SBF1: variants seen among roughly 807,000 people sequenced by gnomAD.
The protein encoded by SBF1 is SET binding factor 1.
A neutral mutation model predicts 215.8 loss-of-function variants in SBF1; 65 were observed. The observed-to-expected ratio is 0.30, with a 90% CI of 0.25 to 0.37. The LOEUF is 0.37. SBF1 is among the 10% of genes least tolerant of loss of function. SBF1 has a pLI of 1.00. For synonymous variants in SBF1, 1,410 were observed against 1,122.8 expected, an observed-to-expected ratio of 1.26 and a Z score of -5.11; for missense variants, 2,634 against 2,667.8, an observed-to-expected ratio of 0.99 and a Z score of 0.28.
At chr22:50,465,706 G>A (rs925313713) in intron 10 of SBF1, 57 bp downstream of exon 10, 16 of 1,491,376 alleles carry the variant, frequency 1.1e-5, no homozygotes, top group Non-Finnish European at 1.2e-5. Context: ...CAGCAGACCT[G>A]AGTGGGGGCA....
At position 50,462,477 on chromosome 22, in the gene SBF1, C is replaced by A. The variant is rs2067558692; in HGVS notation, c.2128-4G>T. 1.2e-6 allele frequency: 2 copies of A among 1,613,194 alleles called. No individual in the cohort carries two copies. Among genetic ancestry groups the A allele is most frequent in the East Asian group, 2.2e-5 (1 of 44,880 alleles). ...GGGAAGGTGCCTCCCCAACCTCCTGCCACGGCACCACACGCATGAGCCGGG... is the reference window on the plus strand; with the variant it reads ...GGGAAGGTGCCTCCCCAACCTCCTGACACGGCACCACACGCATGAGCCGGG... On this transcript the variant is annotated splice_polypyrimidine_tract_variant and splice_region_variant and intron_variant, in intron 18 of 40. Coordinates refer to ENST00000380817, the MANE Select transcript of SBF1 (RefSeq NM_002972.4).
Position 50,462,863 on chromosome 22 carries a change from C to T in SBF1, c.1968+7G>A. ...GGGAAGGAGACCTCAGCCATGCCAGCACTCACCCGGCAGAAGGCTGTGACC... is the reference window on the plus strand; with the variant it reads ...GGGAAGGAGACCTCAGCCATGCCAGTACTCACCCGGCAGAAGGCTGTGACC... On this transcript the variant is annotated splice_region_variant and intron_variant, in intron 17 of 40. Transcript: ENST00000380817. 1 of 1,613,082 alleles carries T rather than the reference C, an allele frequency of 6.2e-7. No homozygotes were observed. Among genetic ancestry groups the T allele is most frequent in the Non-Finnish European group, 8.5e-7 (1 of 1,179,888 alleles).
intron 36 of SBF1, among the ~76,000 whole-genome samples, chr22:50,449,906 A>T (rs1160093309): frequency 1.3e-5 from 2 of 152,348 alleles, no homozygotes; most frequent in Admixed American, 1.3e-4. Context: ...TCAGACAAGC[A>T]GTGCAGCTTG....
chr22:50,463,861 A>G (rs573569450), intron 15 of SBF1, among the ~76,000 whole-genome samples: 45 of 152,258 alleles, frequency 3.0e-4, no homozygotes, highest in Non-Finnish European at 4.4e-4. Flanking sequence ...ATGAAAAACA[A>G]GAGTCTCCAA....
Position 50,460,318 on chromosome 22 carries a change from CT to C in SBF1, c.3236del (p.Glu1079GlyfsTer26). ...TRKKYNPPSW[E>X]HRGQPPPEDQ... ...CCTCAGGGGGCGGCTGGCCCCGGTG[CT>C]CCCAGCTGGGGGGGTTGTACTTCTT... On this transcript the variant is annotated frameshift_variant, in exon 25 of 41. Transcript: ENST00000380817. LOFTEE classifies it high-confidence loss of function. The C allele has an allele frequency of 6.2e-7, 1 of 1,612,572 alleles. No individual in the cohort carries two copies. The highest frequency in any genetic ancestry group is 8.5e-7 in the Non-Finnish European group (1 of 1,178,932).
rs769350649 is a variant in SBF1 at position 50,467,559 on chromosome 22, C to T, written c.411G>A (p.Ser137=). Residue 137 remains serine (S), a synonymous_variant, in exon 4 of 41, where the codon TCG becomes TCA. Coordinates refer to ENST00000380817, the MANE Select transcript of SBF1 (RefSeq NM_002972.4). ...LFAPKTLVLV[S]RLDHTEVFRN... is the part of the protein sequence containing the mutation. The stretch of plus-strand genomic sequence containing the variant: ...TGAACACCTCCGTGTGGTCGAGTCG[C>T]GACACCAGTACCAGCGTCTTCGGTG... The T allele has an allele frequency of 8.7e-6, 14 of 1,614,028 alleles. No individual in the cohort carries two copies. Among genetic ancestry groups the T allele is most frequent in the Middle Eastern group, 1.6e-4 (1 of 6,084 alleles).
intron 16 of SBF1, 81 bp from the exon 17 acceptor site, chr22:50,463,019 A>C: frequency 7.2e-7 from 1 of 1,388,666 alleles, no homozygotes. Context: ...ACCACCCCAT[A>C]ACCACCACAG....
Position 50,459,358 on chromosome 22 carries a change from C to G in SBF1, c.3723G>C (p.Gln1241His). ...QSQADSSSLEQEKYLQAVVSS... is the reference protein window; with the variant it reads ...QSQADSSSLEHEKYLQAVVSS... ...TGACCACAGCCTGCAGGTACTTCTCCTGCTCCAGGCTACTCGAGTCCGCCT... is the reference window on the plus strand; with the variant it reads ...TGACCACAGCCTGCAGGTACTTCTCGTGCTCCAGGCTACTCGAGTCCGCCT... The change falls in exon 28 of 41, where the codon CAG becomes CAC. Residue 1241 changes from glutamine to histidine, a missense_variant. Gln to His is a conservative substitution (Grantham distance 24). Transcript: ENST00000380817. 6.2e-7 allele frequency: 1 copy of G among 1,612,632 alleles called. No homozygotes were observed. Among genetic ancestry groups the G allele is most frequent in the Non-Finnish European group, 8.5e-7 (1 of 1,179,496 alleles).
rs1556426048 is a variant in SBF1 at position 50,462,356 on chromosome 22, C to A, written c.2245G>T (p.Glu749Ter). ...GCCTGGCTGAACACCGTGCTCTCCT[C>A]CTTCTGCACCAGCTCCTGCTGCTTC... ...REKQQELVQK[E>*]ESTVFSQAIH... Residue 749 changes from glutamate (E) to a stop codon, truncating the protein, a stop_gained, in exon 19 of 41, where the codon GAG (glutamate) becomes TAG (stop). Transcript: ENST00000380817. LOFTEE classifies it high-confidence loss of function. 1 of 1,614,034 alleles carries A rather than the reference C, an allele frequency of 6.2e-7. No homozygotes were observed.
Position 50,474,847 on chromosome 22 carries a change from G to C in SBF1, c.-7C>G, listed in dbSNP as rs1241426402. The C allele has an allele frequency of 7.0e-6, 10 of 1,420,044 alleles. No individual in the cohort carries two copies. The Middle Eastern group carries it at 7.6e-4, about 107-fold the overall frequency. The allele number at this position is 1,420,044 out of a possible 1,614,324, so 88.0% of individuals were successfully genotyped here. A position where few individuals can be genotyped will look rare whatever the true frequency, so the allele number is the denominator to read the frequency against. On this transcript the variant is annotated 5_prime_UTR_variant, in exon 1 of 41. Coordinates refer to ENST00000380817, the MANE Select transcript of SBF1 (RefSeq NM_002972.4). The stretch of plus-strand genomic sequence containing the variant: ...AGTCCGCGAGCCGCGCCATGGCGAG[G>C]GACGCGGGGCGGCCCGAGGGGCGCG...
chr22:50,459,310 G>A lies in SBF1; in HGVS notation c.3771C>T (p.Asp1257=), dbSNP rs375371475. Residue 1257 remains aspartate, a synonymous_variant, in exon 28 of 41, where the codon GAC becomes GAT. Coordinates refer to ENST00000380817, the MANE Select transcript of SBF1 (RefSeq NM_002972.4). ...CGCTAAGCGTGTTGCGTCCCGACGCGTCGGCGTAGCGGGGCATGGAGCTGA... is the reference window on the plus strand; with the variant it reads ...CGCTAAGCGTGTTGCGTCCCGACGCATCGGCGTAGCGGGGCATGGAGCTGA... The part of the protein sequence containing the change: ...AVVSSMPRYA[D]ASGRNTLSGF... 3.7e-5 allele frequency: 59 copies of A among 1,612,160 alleles called. No homozygotes were observed. The highest frequency in any genetic ancestry group is 1.6e-4 in the Middle Eastern group (1 of 6,078).
chr22:50,473,503 C>T (rs918094201), intron 1 of SBF1, among the ~76,000 whole-genome samples: 1 of 152,180 alleles, frequency 6.6e-6, no homozygotes, highest in Non-Finnish European at 1.5e-5. Context: ...ATGCTCATGA[C>T]TGACGGTGCC....
chr22:50,462,723 G>A lies in SBF1; in HGVS notation c.1969-6C>T. On this transcript the variant is annotated splice_polypyrimidine_tract_variant and splice_region_variant and intron_variant, in intron 17 of 40. Transcript: ENST00000380817. ...GTCACCCCCGGGCTCAGCTTCTGCAGGAGCCAGGGGAGAAGGTCAGCTGGA... is the reference window on the plus strand; with the variant it reads ...GTCACCCCCGGGCTCAGCTTCTGCAAGAGCCAGGGGAGAAGGTCAGCTGGA... 1.2e-6 allele frequency: 2 copies of A among 1,610,888 alleles called. No homozygotes were observed. Among genetic ancestry groups the A allele is most frequent in the Middle Eastern group, 1.7e-4 (1 of 6,056 alleles).
In SBF1 at chr22:50,460,266, CT is replaced by C. The variant is rs1212593048; in HGVS notation, c.3283+5del. ...ACCACCCAGGACTCCACCCCCACCC[CT>C]CCACCTGAGATCTCGTCCTCCTGGT... On this transcript the variant is annotated splice_donor_5th_base_variant and intron_variant, in intron 25 of 40. Transcript: ENST00000380817. 3 of 1,602,680 alleles carry C rather than the reference CT, an allele frequency of 1.9e-6. No homozygotes were observed. Among genetic ancestry groups the C allele is most frequent in the Non-Finnish European group, 2.6e-6 (3 of 1,172,480 alleles).
At chr22:50,450,830 G>A (rs1231618868) in intron 36 of SBF1, among the ~76,000 whole-genome samples, 1 of 152,156 alleles carries the variant, frequency 6.6e-6, no homozygotes, top group Admixed American at 6.5e-5. Context: ...AACACAGGCA[G>A]GGCACAGTGG....
Position 50,448,333 on chromosome 22 carries a change from C to A in SBF1, c.5263G>T (p.Asp1755Tyr). 1 of 1,613,798 alleles carries A rather than the reference C, an allele frequency of 6.2e-7. No individual in the cohort carries two copies. Among genetic ancestry groups the A allele is most frequent in the Non-Finnish European group, 8.5e-7 (1 of 1,180,046 alleles). The change falls in exon 38 of 41, where the codon GAC becomes TAC. Residue 1755 changes from aspartate (D) to tyrosine (Y), a missense_variant. Physicochemically the swap from Asp to Tyr is radical, Grantham distance 160. Coordinates refer to ENST00000380817, the MANE Select transcript of SBF1 (RefSeq NM_002972.4). ...GSTLSLSLDS[D>Y]QSSGSTTSGS... is the part of the protein sequence containing the mutation. ...GATGTGGTTGAGCCACTACTCTGGT[C>A]GCTGTCCAGGCTGAGGCTCAGGGTG...
Position 50,474,884 on chromosome 22 carries a change from C to A in SBF1, c.-44G>T. ...GCCCGAGGGGCGCGGGCGGGCTCCG[C>A]GGCTCGGGGACTCGAGGACGGCGCG... On this transcript the variant is annotated 5_prime_UTR_variant, in exon 1 of 41. Coordinates refer to ENST00000380817, the MANE Select transcript of SBF1 (RefSeq NM_002972.4). 2.3e-6 allele frequency: 3 copies of A among 1,318,164 alleles called. No individual in the cohort carries two copies. The highest frequency in any genetic ancestry group is 3.3e-5 in the South Asian group (2 of 60,076). 81.7% of individuals were successfully genotyped at this position (1,318,164 alleles called of 1,614,324 possible).
chr22:50,464,885 C>T lies in SBF1; in HGVS notation c.1365G>A (p.Ala455=), dbSNP rs771266434. 13 of 1,613,574 alleles carry T rather than the reference C, an allele frequency of 8.1e-6. No individual in the cohort carries two copies. Among genetic ancestry groups the T allele is most frequent in the Admixed American group, 5.0e-5 (3 of 60,004 alleles). Residue 455 remains alanine, a synonymous_variant, in exon 13 of 41, where the codon GCG becomes GCA. Transcript: ENST00000380817. ...LVAHEVARMR[A]DENHPQRVLR... ...GGACACGCTGGGGGTGGTTCTCATC[C>T]GCCCGCATCCTTGCCACCTCGTGGG...
chr22:50,473,693 T>C (rs1464882770), intron 1 of SBF1, among the ~76,000 whole-genome samples: 1 of 152,086 alleles, frequency 6.6e-6, no homozygotes, highest in Non-Finnish European at 1.5e-5. Context: ...CAGTGACAAC[T>C]GGACTGACAA....
Sources: allele counts gnomAD v4.1 joint callset (sites outside exome capture counted in the v4.1 genomes callset), GRCh38; gene constraint gnomAD v4.1.1; transcripts MANE v1.5; gene names NCBI Gene and HGNC (gene_info 2026-07-23, HGNC 2026-07-21).